The following LBR variants were observed in gnomAD, a reference collection of about 807,000 sequenced individuals.
LBR encodes the protein lamin B receptor, also known as delta(14)-sterol reductase LBR.
Under a neutral mutation model 74.3 loss-of-function variants are expected in LBR, and 28 were observed. That is an observed-to-expected ratio of 0.38 (90% confidence interval 0.28 to 0.52). The LOEUF is 0.52. Among genes scored for constraint, LBR ranks in the 20% least tolerant of loss-of-function variants. The pLI is 0.89. For synonymous variants in LBR, 228 were observed against 269.3 expected (o/e 0.85, Z 1.50); for missense variants, 717 against 760.3 (o/e 0.94, Z 0.67).
chr1:225,420,377 T>C (rs1454899983), intron 3 of LBR, among the ~76,000 whole-genome samples: 1 of 151,818 alleles, frequency 6.6e-6, no homozygotes, highest in Non-Finnish European at 1.5e-5. Flanking sequence ...ATTGATAGAT[T>C]TTAGGGGTAT....
chr1:225,422,322 C>T, intron 2 of LBR, 45 bp from the exon 3 acceptor site: 1 of 1,469,844 alleles, frequency 6.8e-7, no homozygotes, highest in East Asian at 2.3e-5. Context: ...CAAATCATAA[C>T]ACATACAGAC....
intron 1 of LBR, 124 bp downstream of exon 1, chr1:225,427,830 G>C (rs970757795): frequency 6.6e-6 from 1 of 152,322 alleles, no homozygotes; most frequent in African/African-American, 2.4e-5. Flanking sequence ...AGGCCGCCGC[G>C]CCAGGCCCCG....
chr1:225,406,584 C>A (rs1478158326), intron 11 of LBR, 80 bp downstream of exon 11: 31 of 1,262,232 alleles, frequency 2.5e-5, no homozygotes, highest in Non-Finnish European at 3.0e-5. Flanking sequence ...TGGCATGTTT[C>A]AAGTATGTAG....
upstream of LBR, among the ~76,000 whole-genome samples, chr1:225,428,197 G>A (rs2096145091): frequency 6.6e-6 from 1 of 152,042 alleles, no homozygotes; most frequent in African/African-American, 2.4e-5. Context: ...CATCCCCGGC[G>A]CTGTCGATTG....
intron 1 of LBR, chr1:225,427,734 AGCCTCGCCCGCCGCC>A (rs1231474079): frequency 6.6e-6 from 1 of 152,220 alleles, no homozygotes; most frequent in African/African-American, 2.4e-5. Flanking sequence ...GGCGAGCTCC[AGCCTCGCCCGCCGCC>A]GCCCCGACCA....
At chr1:225,406,886 C>T in intron 10 of LBR, 54 bp from the exon 11 acceptor site, 2 of 1,548,410 alleles carry the variant, frequency 1.3e-6, no homozygotes, top group African/African-American at 1.4e-5. Flanking sequence ...TTAAAGTATT[C>T]AAATAAAGTA....
At chr1:225,419,624 C>A (rs956612928) in intron 4 of LBR, 91 bp downstream of exon 4, 6 of 1,069,536 alleles carry the variant, frequency 5.6e-6, no homozygotes, top group African/African-American at 1.6e-5. Context: ...TAAAATATTA[C>A]AATTTTCAAT....
chr1:225,424,217 G>A, intron 1 of LBR, 128 bp from the exon 2 acceptor site: 1 of 771,408 alleles, frequency 1.3e-6, no homozygotes, highest in Non-Finnish European at 2.3e-6. Context: ...GGCCAGAAAG[G>A]CTACATTCAA....
chr1:225,421,155 G>A (rs1455182174), intron 3 of LBR, among the ~76,000 whole-genome samples: 1 of 152,172 alleles, frequency 6.6e-6, no homozygotes, highest in African/African-American at 2.4e-5. Flanking sequence ...ATGTCTTAAA[G>A]CTGACTACTG....
chr1:225,424,697 C>G (rs142080121), intron 1 of LBR, among the ~76,000 whole-genome samples: 1 of 152,270 alleles, frequency 6.6e-6, no homozygotes, highest in East Asian at 1.9e-4. Flanking sequence ...TGCCTTCATC[C>G]AAGCTCACTT....
At position 225,412,499 on chromosome 1, in the gene LBR, G is replaced by C. The variant is rs141837466; in HGVS notation, c.1039C>G (p.Arg347Gly). The change falls in exon 8 of 14, where the codon CGC becomes GGC. Residue 347 changes from arginine to glycine, a missense_variant. Transcript: ENST00000272163. ...CVVLSVYLYM[R>G]SLKAPRNDLS... The stretch of plus-strand genomic sequence containing the variant: ...TCATTCCGGGGCGCTTTCAAAGAGC[G>C]CATGTAGAGATACACACTCAAGACC... 1 of 1,614,022 alleles carries C rather than the reference G, an allele frequency of 6.2e-7. No individual in the cohort carries two copies. Among genetic ancestry groups the C allele is most frequent in the Non-Finnish European group, 8.5e-7 (1 of 1,180,028 alleles).
chr1:225,406,784 T>C lies in LBR; in HGVS notation c.1363A>G (p.Met455Val). The change falls in exon 11 of 14, where the codon ATG becomes GTG. Residue 455 changes from methionine (M) to valine (V), a missense_variant. Transcript: ENST00000272163. ...MDIIHDGFGFMLAFGDLVWVP... is the reference protein window; with the variant it reads ...MDIIHDGFGFVLAFGDLVWVP... ...CACACCAAGTCTCCAAAAGCCAGCA[T>C]GAATCCAAATCCATCGTGGATGATG... 1 of 1,614,224 alleles carries C rather than the reference T, an allele frequency of 6.2e-7. No individual in the cohort carries two copies. Among genetic ancestry groups the C allele is most frequent in the Non-Finnish European group, 8.5e-7 (1 of 1,180,034 alleles).
chr1:225,422,380 A>G, intron 2 of LBR, 103 bp from the exon 3 acceptor site: 1 of 902,138 alleles, frequency 1.1e-6, no homozygotes. Context: ...GCTACCATTA[A>G]CTCTAAAATC....
intron 1 of LBR, among the ~76,000 whole-genome samples, chr1:225,425,039 C>T (rs905137165): frequency 1.6e-4 from 25 of 152,206 alleles, no homozygotes; most frequent in African/African-American, 6.0e-4. Context: ...AGCTGTCTCC[C>T]AAATCACCTT....
rs769191817 is a variant in LBR, at chr1:225,422,156, C to A, written c.287G>T (p.Arg96Leu). 4.3e-6 allele frequency: 7 copies of A among 1,613,956 alleles called. No homozygotes were observed. Among genetic ancestry groups the A allele is most frequent in the African/African-American group, 1.3e-5 (1 of 74,908 alleles). Residue 96 changes from arginine to leucine, a missense_variant, in exon 3 of 14, where the codon CGA (arginine) becomes CTA (leucine). Transcript: ENST00000272163. ...GGCCTGGTGGGAAGCAGAAGCAGAT[C>A]GGCGGGCACTTTTAGGTGGTCGACC... ...SPGRPPKSAR[R>L]SASASHQADI... is the part of the protein sequence containing the mutation.
intron 9 of LBR, among the ~76,000 whole-genome samples, 162 bp from the exon 10 acceptor site, chr1:225,410,578 C>A (rs1005654675): frequency 6.6e-6 from 1 of 152,194 alleles, no homozygotes; most frequent in East Asian, 1.9e-4. Flanking sequence ...GGCCCCTGGA[C>A]CCAATGCACT....
chr1:225,406,915 T>A, intron 10 of LBR, 83 bp from the exon 11 acceptor site: 1 of 1,342,268 alleles, frequency 7.5e-7, no homozygotes, highest in African/African-American at 1.4e-5. Context: ...CAGGCAAATG[T>A]AAAAAGTGCT....
intron 2 of LBR, chr1:225,422,561 C>A: frequency 5.0e-6 from 2 of 397,948 alleles, no homozygotes; most frequent in Non-Finnish European, 9.4e-6. Context: ...TTTCCAACAC[C>A]ATATGCAAGA....
At chr1:225,404,373 G>A (rs1185737890) in intron 13 of LBR, 31 bp downstream of exon 13, 1 of 1,613,024 alleles carries the variant, frequency 6.2e-7, no homozygotes, top group Non-Finnish European at 8.5e-7. Context: ...CGGCTAAAAG[G>A]GTCAAACTAG....
Sources: allele counts gnomAD v4.1 joint callset (sites outside exome capture counted in the v4.1 genomes callset), GRCh38; gene constraint gnomAD v4.1.1; transcripts MANE v1.5; gene names NCBI Gene and HGNC (gene_info 2026-07-23, HGNC 2026-07-21).